The following RFC1 variants were observed in gnomAD, a reference collection of about 807,000 sequenced individuals.
RFC1 encodes replication factor C subunit 1.
In RFC1, 37 loss-of-function variants were observed where a neutral mutation model predicts 137.4. The observed-to-expected ratio is 0.27, with a 90% CI of 0.21 to 0.35. RFC1 has a LOEUF of 0.35. Ranked by LOEUF, RFC1 falls within the 10% of genes least tolerant of loss-of-function variation. The pLI is 1.00. For missense variants in RFC1, 1,205 were observed against 1,358.5 expected (o/e 0.89, Z 1.78); for synonymous variants, 429 against 455.7 (o/e 0.94, Z 0.75).
At chr4:39,365,279 C>G (rs1036190689) in intron 1 of RFC1, among the ~76,000 whole-genome samples, 1 of 150,370 alleles carries the variant, frequency 6.7e-6, no homozygotes, top group South Asian at 2.1e-4. Context: ...ACACAAAGGC[C>G]TGCAACGTTT....
chr4:39,302,636 C>T (rs1172760419), intron 17 of RFC1, 41 bp from the exon 18 acceptor site: 2 of 1,492,340 alleles, frequency 1.3e-6, no homozygotes, highest in Non-Finnish European at 1.8e-6. Flanking sequence ...ATTTTTAACT[C>T]ATATAATCAG....
intron 21 of RFC1, among the ~76,000 whole-genome samples, chr4:39,298,850 G>A (rs1738176136): frequency 6.6e-6 from 1 of 152,160 alleles, no homozygotes; most frequent in Non-Finnish European, 1.5e-5. Context: ...CGGGCGCAGT[G>A]GCTCATGCCT....
In RFC1 at chr4:39,298,080, G is replaced by A. The variant is rs567471570; in HGVS notation, c.2808+1941C>T. Among the ~76,000 whole-genome samples the A allele has an allele frequency of 2.0e-5, 3 of 152,242 alleles. No individual in the cohort carries two copies. The East Asian group carries it at 5.8e-4, about 29-fold the overall frequency. On this transcript the variant is annotated intron_variant, in intron 21 of 24. Coordinates refer to ENST00000349703, the MANE Select transcript of RFC1 (RefSeq NM_002913.5). ...CAGTAACCCCAGCACTTTGGGAGAT[G>A]GGCAGACAGCTTGCACCCAGGAGTT...
At chr4:39,322,479 G>A (rs1478002319) in intron 7 of RFC1, 1 of 152,156 alleles carries the variant, frequency 6.6e-6, no homozygotes, top group Non-Finnish European at 1.5e-5. Flanking sequence ...AGATCTTAGA[G>A]TTAACTAATT....
intron 1 of RFC1, among the ~76,000 whole-genome samples, chr4:39,360,518 T>TTAAAA (rs59665003): frequency 0.023 from 3,429 of 146,330 alleles, 62 homozygotes; most frequent in African/African-American, 0.043. Context: ...CAAAATAAAA[T>TTAAAA]TAAAATAAAA....
chr4:39,363,922 A>G (rs775999079), intron 1 of RFC1, among the ~76,000 whole-genome samples: 1 of 149,948 alleles, frequency 6.7e-6, no homozygotes, highest in Non-Finnish European at 1.5e-5. Context: ...GAAGAAGATG[A>G]TAAGTGAACA....
chr4:39,330,801 T>C (rs532004325), intron 4 of RFC1, among the ~76,000 whole-genome samples: 1 of 152,292 alleles, frequency 6.6e-6, no homozygotes, highest in South Asian at 2.1e-4. Flanking sequence ...AATTTATCCA[T>C]AACTCTTTCT....
intron 3 of RFC1, among the ~76,000 whole-genome samples, chr4:39,343,228 G>C (rs560110757): frequency 6.6e-6 from 1 of 152,124 alleles, no homozygotes; most frequent in African/African-American, 2.4e-5. Context: ...TTACTATGTT[G>C]GCCAGGCTGG....
chr4:39,310,051 A>G (rs1035977625), intron 12 of RFC1, among the ~76,000 whole-genome samples: 3 of 152,192 alleles, frequency 2.0e-5, no homozygotes, highest in Non-Finnish European at 4.4e-5. Flanking sequence ...CCTCACTAAT[A>G]ATAAGACGTT....
Position 39,306,614 on chromosome 4 carries a change from G to A in RFC1, c.1973C>T (p.Thr658Ile). ...CACCTGACACACCAGGGAAGCTGTG[G>A]TGGTTTTGCCAACACCAGGAGGGCC... is the stretch of plus-strand genomic sequence containing the variant. ...LSGPPGVGKT[T>I]TASLVCQELG... The change falls in exon 14 of 25, where the codon ACC becomes ATC. Residue 658 changes from threonine to isoleucine, a missense_variant. By Grantham distance (89) the Thr-to-Ile change is moderately conservative (BLOSUM62 -1). Around this residue, in one of 3 missense-constraint regions of RFC1, gnomAD observed 962 missense variants for 1,035.3 expected, o/e 0.93. Coordinates refer to ENST00000349703, the MANE Select transcript of RFC1 (RefSeq NM_002913.5). 1 of 1,604,984 alleles carries A rather than the reference G, an allele frequency of 6.2e-7. No individual in the cohort carries two copies. The highest frequency in any genetic ancestry group is 8.5e-7 in the Non-Finnish European group (1 of 1,171,594).
chr4:39,312,681 G>A (rs547350334), intron 11 of RFC1, 71 bp downstream of exon 11: 26 of 1,336,772 alleles, frequency 1.9e-5, no homozygotes, highest in Non-Finnish European at 2.7e-5. Context: ...CTGAGTAAAG[G>A]GCAAATCACA....
intron 4 of RFC1, among the ~76,000 whole-genome samples, chr4:39,331,561 G>A (rs1740102055): frequency 6.6e-6 from 1 of 152,062 alleles, no homozygotes; most frequent in African/African-American, 2.4e-5. Context: ...TGTGAGTATT[G>A]TGTATAATAT....
chr4:39,314,258 TG>T (rs551295612), intron 10 of RFC1, among the ~76,000 whole-genome samples: 123 of 152,310 alleles, frequency 8.1e-4, no homozygotes, highest in African/African-American at 2.8e-3. Flanking sequence ...TGGATTGAAA[TG>T]ATCTACTGTA....
intron 4 of RFC1, among the ~76,000 whole-genome samples, chr4:39,333,220 GA>G (rs1391955284): frequency 3.3e-5 from 5 of 152,098 alleles, no homozygotes; most frequent in Non-Finnish European, 7.4e-5. Flanking sequence ...TAGCCATATA[GA>G]TTTTTTTAAT....
intron 1 of RFC1, among the ~76,000 whole-genome samples, chr4:39,355,345 C>T (rs1330511095): frequency 6.6e-6 from 1 of 151,732 alleles, no homozygotes; most frequent in Admixed American, 6.6e-5. Context: ...TGGGGTGGCA[C>T]TTGCGCGCCA....
At chr4:39,291,154 TC>T (rs1295046918) in intron 23 of RFC1, among the ~76,000 whole-genome samples, 4 of 152,232 alleles carry the variant, frequency 2.6e-5, no homozygotes, top group African/African-American at 9.6e-5. Context: ...TTAGTTTTTT[TC>T]GTCTCATTAT....
intron 24 of RFC1, among the ~76,000 whole-genome samples, chr4:39,289,387 G>A (rs139057943): frequency 5.3e-5 from 8 of 152,356 alleles, no homozygotes; most frequent in Admixed American, 1.3e-4. Context: ...AGGAGGATCA[G>A]ATGAGGTTCC....
Position 39,300,388 on chromosome 4 carries a change from C to T in RFC1, c.2562G>A (p.Val854=), listed in dbSNP as rs1166596945. The change falls in exon 20 of 25, where the codon GTG becomes GTA. Residue 854 remains valine, a synonymous_variant. Coordinates refer to ENST00000349703, the MANE Select transcript of RFC1 (RefSeq NM_002913.5). The stretch of plus-strand genomic sequence containing the variant: ...GAGCAGTCTCCTCTCCAGCTGCAAA[C>T]ACTTTCCGGGCAACATCAAATGGGC... The part of the protein sequence containing the change: ...KMGPFDVARK[V]FAAGEETAHM... 1 of 1,614,034 alleles carries T rather than the reference C, an allele frequency of 6.2e-7. No homozygotes were observed. The highest frequency in any genetic ancestry group is 8.5e-7 in the Non-Finnish European group (1 of 1,180,002).
Position 39,316,851 on chromosome 4 carries a change from A to G in RFC1, c.1203+64T>C, listed in dbSNP as rs532959458. 6.5e-6 allele frequency: 6 copies of G among 922,546 alleles called. No individual in the cohort carries two copies. The East Asian group carries it at 1.2e-4, about 19-fold the overall frequency. 57.1% of individuals were successfully genotyped at this position (922,546 alleles called of 1,614,324 possible). Reference sequence around the variant, plus strand: ...TCCTCTGCTGCTATAATCATCGTGAATACATACATGGACCCATACGGCAGA... The same window carrying G: ...TCCTCTGCTGCTATAATCATCGTGAGTACATACATGGACCCATACGGCAGA... On this transcript the variant is annotated intron_variant, in intron 10 of 24. Transcript: ENST00000349703.
Sources: allele counts gnomAD v4.1 joint callset (sites outside exome capture counted in the v4.1 genomes callset), GRCh38; gene constraint gnomAD v4.1.1; regional missense constraint gnomAD v4.1.1; transcripts MANE v1.5; gene names NCBI Gene and HGNC (gene_info 2026-07-23, HGNC 2026-07-21).